Variants in AP3B1 observed in about 807,000 individuals in gnomAD.
AP3B1 encodes the protein adaptor related protein complex 3 subunit beta 1.
Under a neutral mutation model 132.5 loss-of-function variants are expected in AP3B1, and 61 were observed. That is an observed-to-expected ratio of 0.46 (90% CI 0.37 to 0.57). The LOEUF (loss-of-function observed/expected upper bound fraction) is 0.57. AP3B1 is among the 20% of genes least tolerant of loss of function. The probability of loss-of-function intolerance (pLI) is 0.00; values close to 1 mark genes in which losing one functional copy is unlikely to be tolerated. For synonymous variants in AP3B1, 388 were observed against 438.3 expected (o/e 0.89, Z 1.43); for missense variants, 1,120 against 1,289.4 (o/e 0.87, Z 2.01).
At chr5:78,230,943 C>T (rs1295464593) in intron 3 of AP3B1, among the ~76,000 whole-genome samples, 1 of 151,908 alleles carries the variant, frequency 6.6e-6, no homozygotes. Flanking sequence ...CATGGTGAAA[C>T]TCCATCTCTA....
intron 11 of AP3B1, among the ~76,000 whole-genome samples, chr5:78,166,190 A>G (rs1208257053): frequency 6.6e-6 from 1 of 151,146 alleles, no homozygotes; most frequent in Non-Finnish European, 1.5e-5. Flanking sequence ...ATTGTCGCCA[A>G]TGTGGTAAGG....
At chr5:78,252,118 T>A (rs1747663281) in intron 2 of AP3B1, among the ~76,000 whole-genome samples, 1 of 152,162 alleles carries the variant, frequency 6.6e-6, no homozygotes, top group Non-Finnish European at 1.5e-5. Context: ...AGGAAAGGTC[T>A]GAGGCTTGGC....
chr5:78,294,017 ACTTCCCACAAG>A (rs1428091075), intron 1 of AP3B1, among the ~76,000 whole-genome samples: 1 of 152,060 alleles, frequency 6.6e-6, no homozygotes, highest in Non-Finnish European at 1.5e-5. Context: ...TCACAAAATA[ACTTCCCACAAG>A]CAACACTCGC....
intron 15 of AP3B1, among the ~76,000 whole-genome samples, chr5:78,134,162 A>C (rs1752807463): frequency 6.6e-6 from 1 of 151,600 alleles, no homozygotes; most frequent in South Asian, 2.1e-4. Flanking sequence ...AAAAAAAAAA[A>C]AAAAGAAATA....
chr5:78,092,183 T>C (rs368669047), intron 21 of AP3B1, among the ~76,000 whole-genome samples: 1 of 152,144 alleles, frequency 6.6e-6, no homozygotes, highest in Non-Finnish European at 1.5e-5. Context: ...ATGTAACGAA[T>C]AAAAAACTGA....
intron 17 of AP3B1, among the ~76,000 whole-genome samples, chr5:78,116,524 T>C (rs1254855116): frequency 1.3e-5 from 2 of 151,532 alleles, no homozygotes. Flanking sequence ...AAAAGTAATA[T>C]ATCCTAAAAT....
In AP3B1 at chr5:78,286,962, T is replaced by A. The variant is rs188754678; in HGVS notation, c.128+7490A>T. 7.7e-3 allele frequency among the ~76,000 whole-genome samples: 1,179 copies of A among 152,336 alleles called. 8 individuals carry two copies. Among genetic ancestry groups the A allele is most frequent in the Non-Finnish European group, 0.012 (849 of 68,020 alleles). ...AAGCTCTTCATTTTAAATTTTGAAT[T>A]TGGACTGCAGGCAATTTGTTTTTGT... On this transcript the variant is annotated intron_variant, in intron 1 of 26. Coordinates refer to ENST00000255194, the MANE Select transcript of AP3B1 (RefSeq NM_003664.5).
intron 1 of AP3B1, among the ~76,000 whole-genome samples, chr5:78,273,029 A>C (rs1019270974): frequency 3.9e-5 from 6 of 152,200 alleles, no homozygotes; most frequent in African/African-American, 1.4e-4. Flanking sequence ...ATACACACAT[A>C]TATGTATGCA....
At chr5:78,280,419 T>C (rs1437221783) in intron 1 of AP3B1, among the ~76,000 whole-genome samples, 1 of 152,224 alleles carries the variant, frequency 6.6e-6, no homozygotes, top group Admixed American at 6.5e-5. Context: ...AATAGTGTAT[T>C]CCGTCCAAAC....
chr5:78,059,028 T>C (rs1460317013), intron 22 of AP3B1, among the ~76,000 whole-genome samples: 1 of 152,220 alleles, frequency 6.6e-6, no homozygotes, highest in African/African-American at 2.4e-5. Context: ...CCAATGAATA[T>C]GTAACATTAT....
At chr5:78,114,088 A>G (rs1490380483) in intron 18 of AP3B1, among the ~76,000 whole-genome samples, 165 bp from the exon 19 acceptor site, 1 of 152,306 alleles carries the variant, frequency 6.6e-6, no homozygotes, top group South Asian at 2.1e-4. Context: ...TTTCAGCTCT[A>G]TGGATTCCTT....
intron 25 of AP3B1, among the ~76,000 whole-genome samples, chr5:78,018,995 A>G (rs1188795475): frequency 3.9e-5 from 6 of 152,178 alleles, no homozygotes; most frequent in Admixed American, 3.9e-4. Context: ...GAATGAATTC[A>G]GGAAGACAGA....
chr5:78,157,042 T>C (rs1488663514), intron 13 of AP3B1, among the ~76,000 whole-genome samples: 1 of 152,110 alleles, frequency 6.6e-6, no homozygotes, highest in Non-Finnish European at 1.5e-5. Context: ...TCCTGGCTTA[T>C]AGCTGTGTTT....
chr5:78,103,517 A>ACAGATCACC (rs1751211904), intron 20 of AP3B1, among the ~76,000 whole-genome samples: 2 of 152,218 alleles, frequency 1.3e-5, no homozygotes, highest in Admixed American at 1.3e-4. Context: ...AAACACATTG[A>ACAGATCACC]CAGATCACCC....
intron 21 of AP3B1, among the ~76,000 whole-genome samples, chr5:78,092,459 G>A (rs144399857): frequency 1.3e-5 from 2 of 152,200 alleles, no homozygotes; most frequent in East Asian, 1.9e-4. Context: ...TTAGTAATGT[G>A]TAAAAACAAA....
At chr5:78,208,071 CA>C (rs1561477859) in intron 7 of AP3B1, among the ~76,000 whole-genome samples, 1 of 151,686 alleles carries the variant, frequency 6.6e-6, no homozygotes, top group Non-Finnish European at 1.5e-5. Flanking sequence ...GAGAGACAGA[CA>C]GAGACAGAGA....
chr5:78,100,148 A>G (rs1751068588), intron 21 of AP3B1, among the ~76,000 whole-genome samples: 1 of 151,976 alleles, frequency 6.6e-6, no homozygotes, highest in Admixed American at 6.6e-5. Flanking sequence ...TAATTTCTCT[A>G]TATTAAGTAT....
intron 1 of AP3B1, among the ~76,000 whole-genome samples, chr5:78,278,196 A>C (rs1306726907): frequency 6.6e-6 from 1 of 152,234 alleles, no homozygotes; most frequent in Non-Finnish European, 1.5e-5. Flanking sequence ...CACCATATAT[A>C]AACTAAACTA....
At position 78,010,494 on chromosome 5, in the gene AP3B1, T is replaced by C. The variant is rs1029907427; in HGVS notation, c.3131+4916A>G. On this transcript the variant is annotated intron_variant, in intron 26 of 26. Coordinates refer to ENST00000255194, the MANE Select transcript of AP3B1 (RefSeq NM_003664.5). The stretch of plus-strand genomic sequence containing the variant: ...AAACCTTAGCGATTTCGGAGCTACA[T>C]GTTTTTTGTTTTCTGCTTTTTGGCC... 2.6e-5 allele frequency among the ~76,000 whole-genome samples: 4 copies of C among 152,330 alleles called. No individual in the cohort carries two copies. In the South Asian group the frequency reaches 6.2e-4, roughly 24 times the overall value.
Sources: allele counts gnomAD v4.1 joint callset (sites outside exome capture counted in the v4.1 genomes callset), GRCh38; gene constraint gnomAD v4.1.1; transcripts MANE v1.5; gene names NCBI Gene and HGNC (gene_info 2026-07-23, HGNC 2026-07-21).